ADPRHL1: variants seen among roughly 807,000 people sequenced by gnomAD.
The protein encoded by ADPRHL1 is ADP-ribosylhydrolase like 1.
In ADPRHL1, 43 loss-of-function variants were observed where a neutral mutation model predicts 44.1. The observed-to-expected ratio is 0.98, with a 90% CI of 0.76 to 1.26. The LOEUF is 1.26. ADPRHL1 is among the 50% of genes most tolerant of loss of function. The pLI is 0.00. For synonymous variants in ADPRHL1, 878 were observed against 1,017.4 expected (o/e 0.86, Z 2.61); for missense variants, 2,022 against 2,496.9 (o/e 0.81, Z 4.05).
intron 7 of ADPRHL1, among the ~76,000 whole-genome samples, chr13:113,416,837 A>G (rs2043889325): frequency 6.6e-6 from 1 of 152,192 alleles, no homozygotes; most frequent in Admixed American, 6.5e-5. Flanking sequence ...TTATGGTGAG[A>G]GGATATAGGG....
chr13:113,422,806 A>C lies in ADPRHL1; in HGVS notation c.1061+20T>G, dbSNP rs374844423. The C allele has an allele frequency of 6.2e-7, 1 of 1,612,672 alleles. No homozygotes were observed. Among genetic ancestry groups the C allele is most frequent in the East Asian group, 2.2e-5 (1 of 44,862 alleles). ...GGTGGAATCGGCTCTCTAGGGGGAA[A>C]GTGGCAGAAATGGCTTTACTTCTCC... On this transcript the variant is annotated intron_variant, in intron 7 of 7. Coordinates refer to ENST00000612156, the MANE Select transcript of ADPRHL1 (RefSeq NM_001394807.1).
At chr13:113,442,585 T>C (rs2044106826) in intron 2 of ADPRHL1, among the ~76,000 whole-genome samples, 1 of 152,238 alleles carries the variant, frequency 6.6e-6, no homozygotes, top group South Asian at 2.1e-4. Flanking sequence ...CTGTTGCTTC[T>C]CTGTGTGTGA....
At chr13:113,424,986 T>C in intron 5 of ADPRHL1, 66 bp downstream of exon 5, 1 of 1,581,808 alleles carries the variant, frequency 6.3e-7, no homozygotes, top group Non-Finnish European at 8.6e-7. Flanking sequence ...ATCCATCCAC[T>C]TGCTATGCAC....
chr13:113,423,446 C>A (rs914697164), intron 6 of ADPRHL1, among the ~76,000 whole-genome samples: 21 of 152,218 alleles, frequency 1.4e-4, no homozygotes, highest in African/African-American at 4.8e-4. Context: ...GCTGGGGTCA[C>A]GGAGGAAACC....
chr13:113,442,848 G>A (rs370118263), intron 2 of ADPRHL1, among the ~76,000 whole-genome samples: 27 of 152,176 alleles, frequency 1.8e-4, no homozygotes, highest in Non-Finnish European at 3.5e-4. Context: ...GAGGCCGCCC[G>A]CGGGTCGCTG....
chr13:113,433,991 G>C (rs2139633495), intron 2 of ADPRHL1, 124 bp from the exon 3 acceptor site: 1 of 1,364,452 alleles, frequency 7.3e-7, no homozygotes, highest in South Asian at 1.6e-5. Context: ...TCAGAGTGTG[G>C]TTTAAATGAG....
Position 113,425,046 on chromosome 13 carries a change from G to T in ADPRHL1, c.774+6C>A. 1 of 1,613,300 alleles carries T rather than the reference G, an allele frequency of 6.2e-7. No homozygotes were observed. Among genetic ancestry groups the T allele is most frequent in the Non-Finnish European group, 8.5e-7 (1 of 1,179,872 alleles). ...GACATTGCCCCAGTGCCAGGACAAG[G>T]CTTACCTTTTCCCTCTCTTCTGCAT... is the stretch of plus-strand genomic sequence containing the variant. On this transcript the variant is annotated splice_donor_region_variant and intron_variant, in intron 5 of 7. Coordinates refer to ENST00000612156, the MANE Select transcript of ADPRHL1 (RefSeq NM_001394807.1).
chr13:113,420,390 G>A (rs530804039), intron 7 of ADPRHL1, among the ~76,000 whole-genome samples: 27 of 151,808 alleles, frequency 1.8e-4, no homozygotes, highest in Non-Finnish European at 3.5e-4. Context: ...AGTCCACCCT[G>A]TTTGAATGCA....
rs35020797 is a variant in ADPRHL1 at position 113,409,888 on chromosome 13, CAAAAAAAAAAAAA to C, written c.1062-1681_1062-1669del. The C allele has an allele frequency of 1.4e-6, 1 of 727,644 alleles. No homozygotes were observed. The highest frequency in any genetic ancestry group is 2.7e-5 in the African/African-American group (1 of 37,478). 45.1% of individuals were successfully genotyped at this position (727,644 alleles called of 1,614,324 possible). ...TGAGCGACAGAGCGAGACTCCGTCT[CAAAAAAAAAAAAA>C]AAAAAAAGGAAGAAGCTGAGCAGGC... On this transcript the variant is annotated intron_variant, in intron 7 of 7. Transcript: ENST00000612156. This position sits in a 1 kb window ranked among gnomAD's most constrained non-coding sequence, Gnocchi z 4.2.
Position 113,403,200 on chromosome 13 carries a change from G to A in ADPRHL1, c.*178C>T, listed in dbSNP as rs890622123. The A allele has an allele frequency of 2.1e-5, 11 of 523,466 alleles. No homozygotes were observed. The highest frequency in any genetic ancestry group is 3.2e-5 in the Non-Finnish European group (11 of 343,660). The allele number at this position is 523,466 out of a possible 1,614,324, so 32.4% of individuals were successfully genotyped here. A position where few individuals can be genotyped will look rare whatever the true frequency, so the allele number is the denominator to read the frequency against. On this transcript the variant is annotated 3_prime_UTR_variant, in exon 8 of 8. Transcript: ENST00000612156. The stretch of plus-strand genomic sequence containing the variant: ...TGGCTCTGTGGGGTGACAGGAACCC[G>A]ACCCACATGTAGCTCAATCCTCCCA...
At chr13:113,414,196 C>A (rs1050411469) in intron 7 of ADPRHL1, among the ~76,000 whole-genome samples, 1 of 152,196 alleles carries the variant, frequency 6.6e-6, no homozygotes, top group Non-Finnish European at 1.5e-5. Flanking sequence ...GTTCCAGGAG[C>A]CTGCTCAGAA....
intron 1 of ADPRHL1, among the ~76,000 whole-genome samples, chr13:113,446,449 G>C (rs1230875190): frequency 6.6e-6 from 1 of 152,230 alleles, no homozygotes; most frequent in African/African-American, 2.4e-5. Flanking sequence ...TCTGAAGAGA[G>C]GGGCAGTCCT....
chr13:113,406,272 T>C lies in ADPRHL1; in HGVS notation c.3010A>G (p.Thr1004Ala). ...TTTTGTGAGGCTGCAGGATCATTTG[T>C]TGCGGAGCCCTTCTTCTGCATTGAT... ...EISMQKKGSA[T>A]NDPAASQNLL... Residue 1004 changes from threonine to alanine, a missense_variant, in exon 8 of 8, where the codon ACA becomes GCA. Transcript: ENST00000612156. The C allele has an allele frequency of 8.1e-7, 1 of 1,232,118 alleles. No individual in the cohort carries two copies. The highest frequency in any genetic ancestry group is 1.0e-6 in the Non-Finnish European group (1 of 987,980). The allele number at this position is 1,232,118 out of a possible 1,614,324, so 76.3% of individuals were successfully genotyped here.
At chr13:113,444,399 G>C (rs757968307) in intron 2 of ADPRHL1, 26 bp downstream of exon 2, 3 of 1,609,388 alleles carry the variant, frequency 1.9e-6, no homozygotes, top group African/African-American at 1.3e-5. Context: ...GGTGGCTTTA[G>C]GGGGAGAGGA....
rs1372673923 is a variant in ADPRHL1 at position 113,436,400 on chromosome 13, C to T, written c.380-2533G>A. Among the ~76,000 whole-genome samples the T allele has an allele frequency of 1.1e-4, 3 of 28,558 alleles. 1 individual carries two copies. Among genetic ancestry groups the T allele is most frequent in the Admixed American group, 3.6e-4 (1 of 2,776 alleles). The allele number at this position is 28,558 out of a possible 152,430, so 18.7% of individuals were successfully genotyped here. On this transcript the variant is annotated intron_variant, in intron 2 of 7. Transcript: ENST00000612156. The stretch of plus-strand genomic sequence containing the variant: ...GTGAACATAGGTGTACCCCGGGACC[C>T]AGCACCCAGGTGTAGGGTGAACATA...
Position 113,407,864 on chromosome 13 carries a change from T to C in ADPRHL1, c.1418A>G (p.Lys473Arg). Residue 473 changes from lysine to arginine, a missense_variant, in exon 8 of 8, where the codon AAG (lysine) becomes AGG (arginine). By Grantham distance (26) the Lys-to-Arg change is conservative. This residue lies in a region of ADPRHL1 where 1,221 missense variants were observed against 1,517.8 expected (regional missense o/e 0.80). Coordinates refer to ENST00000612156, the MANE Select transcript of ADPRHL1 (RefSeq NM_001394807.1). ...CGGCTCCTTGGTCTTCTCCAGGAGC[T>C]TGTTGATGGTGGCACCCACGAGGCC... The part of the protein sequence containing the change: ...GGGLVGATIN[K>R]LLEKTKEPAP... 8.1e-7 allele frequency: 1 copy of C among 1,231,948 alleles called. No individual in the cohort carries two copies. Among genetic ancestry groups the C allele is most frequent in the Non-Finnish European group, 1.0e-6 (1 of 988,004 alleles). 76.3% of individuals were successfully genotyped at this position (1,231,948 alleles called of 1,614,324 possible). A position where few individuals can be genotyped will look rare whatever the true frequency, so the allele number is the denominator to read the frequency against.
rs147338900 is a variant in ADPRHL1, at chr13:113,452,014, C to T, written c.214+1210G>A. 7.0e-3 allele frequency among the ~76,000 whole-genome samples: 1,066 copies of T among 152,272 alleles called. 8 individuals carry two copies. Among genetic ancestry groups the T allele is most frequent in the Non-Finnish European group, 9.2e-3 (627 of 68,034 alleles). ...CAAGTGCTACCAGAAATGGGACATG[C>T]AGAGCTGGTATGAGCGCACACACGG... On this transcript the variant is annotated intron_variant, in intron 1 of 7. Coordinates refer to ENST00000612156, the MANE Select transcript of ADPRHL1 (RefSeq NM_001394807.1).
At chr13:113,444,289 C>A (rs1439721965) in intron 2 of ADPRHL1, 136 bp downstream of exon 2, 3 of 1,272,122 alleles carry the variant, frequency 2.4e-6, no homozygotes, top group Non-Finnish European at 3.3e-6. Flanking sequence ...GGCCCCCACC[C>A]GACAAAGGGA....
chr13:113,448,435 C>T (rs2044156819), intron 1 of ADPRHL1, among the ~76,000 whole-genome samples: 1 of 128,744 alleles, frequency 7.8e-6, no homozygotes, highest in Non-Finnish European at 1.5e-5. Flanking sequence ...CACTGTACTC[C>T]AGCCCGGGCA....
Sources: gnomAD v4.1 joint callset for allele counts (sites outside exome capture counted in the v4.1 genomes callset) on GRCh38, gnomAD v4.1.1 for gene constraint, gnomAD v4.1.1 regional missense constraint, Gnocchi (gnomAD v3.1) non-coding constraint, MANE v1.5 for transcripts, NCBI Gene and HGNC (gene_info 2026-07-23, HGNC 2026-07-21) for gene names.